The following ROBO2 variants were observed in gnomAD, a reference collection of about 807,000 sequenced individuals.
ROBO2 encodes roundabout guidance receptor 2.
Under a neutral mutation model 160.8 loss-of-function variants are expected in ROBO2, and 53 were observed. That is an observed-to-expected ratio of 0.33 (90% confidence interval 0.26 to 0.41). ROBO2 has a LOEUF of 0.41. ROBO2 is among the 10% of genes least tolerant of loss of function. The pLI is 1.00. For synonymous variants in ROBO2, 664 were observed against 611.7 expected (o/e 1.09, Z -1.26); for missense variants, 1,577 against 1,722.4 (o/e 0.92, Z 1.49).
chr3:76,077,392 G>A (rs770598707), intron 2 of ROBO2, among the ~76,000 whole-genome samples: 9 of 151,942 alleles, frequency 5.9e-5, no homozygotes, highest in Non-Finnish European at 8.8e-5. Context: ...GTGAAACCCC[G>A]TCTCTACTAA....
At chr3:77,291,392 C>T (rs1299718279) in intron 2 of ROBO2, among the ~76,000 whole-genome samples, 1 of 151,482 alleles carries the variant, frequency 6.6e-6, no homozygotes, top group Non-Finnish European at 1.5e-5. Flanking sequence ...TCACCCCAGA[C>T]ATAAAGTAAA....
At chr3:75,953,580 A>G (rs1487305167) in intron 2 of ROBO2, among the ~76,000 whole-genome samples, 1 of 151,858 alleles carries the variant, frequency 6.6e-6, no homozygotes, top group Non-Finnish European at 1.5e-5. Context: ...ATAATGCTCA[A>G]TTTCTCAATT....
chr3:77,281,209 T>C (rs1356451177), intron 2 of ROBO2, among the ~76,000 whole-genome samples: 1 of 152,246 alleles, frequency 6.6e-6, no homozygotes, highest in African/African-American at 2.4e-5. Context: ...TAAACATGTA[T>C]GGACAGTGGA....
At chr3:76,729,639 CTTTT>C (rs11292819) in intron 2 of ROBO2, among the ~76,000 whole-genome samples, 4 of 136,096 alleles carry the variant, frequency 2.9e-5, no homozygotes, top group Non-Finnish European at 3.1e-5. Context: ...CTCTCTCTCT[CTTTT>C]TTTTTTTTTT....
In ROBO2 at chr3:77,516,048, T is replaced by A. The variant is rs566216864; in HGVS notation, c.807-6727T>A. Among the ~76,000 whole-genome samples, 31 of 151,756 alleles carry A rather than the reference T, an allele frequency of 2.0e-4. No individual in the cohort carries two copies. The South Asian group carries it at 5.8e-3, about 28-fold the overall frequency. ...TTAGGCTCCATATGTTCTCTTTTAATATGAATAATATTGGATTAGCTGAAT... is the reference window on the plus strand; with the variant it reads ...TTAGGCTCCATATGTTCTCTTTTAAAATGAATAATATTGGATTAGCTGAAT... On this transcript the variant is annotated intron_variant, in intron 5 of 25. Transcript: ENST00000461745.
At chr3:77,444,130 A>G (rs78059937) in intron 2 of ROBO2, among the ~76,000 whole-genome samples, 4,674 of 152,238 alleles carry the variant, frequency 0.031, 102 homozygotes, top group East Asian at 0.077. Context: ...CTAAGATTCC[A>G]TATGAAGTAA....
chr3:76,607,708 T>C (rs926567989), intron 2 of ROBO2, among the ~76,000 whole-genome samples: 2 of 152,202 alleles, frequency 1.3e-5, no homozygotes, highest in Admixed American at 6.5e-5. Context: ...TTTTTGACAT[T>C]CACTGAACTT....
intron 1 of ROBO2, among the ~76,000 whole-genome samples, chr3:77,047,423 G>A (rs183805435): frequency 2.0e-4 from 31 of 152,194 alleles, no homozygotes; most frequent in Admixed American, 1.8e-3. Flanking sequence ...GGTGGCTCAC[G>A]CCTGTAATCC....
At chr3:76,639,826 A>G (rs1458588597) in intron 2 of ROBO2, among the ~76,000 whole-genome samples, 1 of 152,204 alleles carries the variant, frequency 6.6e-6, no homozygotes, top group Non-Finnish European at 1.5e-5. Flanking sequence ...TTCCCCACAC[A>G]TTTAAAAGCT....
intron 2 of ROBO2, among the ~76,000 whole-genome samples, chr3:76,523,516 A>G (rs909965410): frequency 3.3e-5 from 5 of 152,016 alleles, no homozygotes; most frequent in Non-Finnish European, 5.9e-5. Context: ...AGTGTCAGCC[A>G]CCTGCCATCT....
intron 2 of ROBO2, among the ~76,000 whole-genome samples, chr3:76,537,213 A>G (rs2082553145): frequency 1.3e-5 from 2 of 151,974 alleles, no homozygotes; most frequent in African/African-American, 4.8e-5. Context: ...TCGCATTGGG[A>G]GCAGAGATTA....
intron 2 of ROBO2, among the ~76,000 whole-genome samples, chr3:76,799,985 A>T (rs1434160622): frequency 6.6e-6 from 1 of 152,226 alleles, no homozygotes; most frequent in African/African-American, 2.4e-5. Context: ...ACAAAGCTAT[A>T]GTAACCAAAC....
intron 2 of ROBO2, among the ~76,000 whole-genome samples, chr3:77,468,115 A>G (rs1023629641): frequency 2.6e-5 from 4 of 152,214 alleles, no homozygotes; most frequent in Non-Finnish European, 5.9e-5. Flanking sequence ...TGTGGGCGAT[A>G]GCTCTTTAAG....
At chr3:76,111,773 C>T (rs2070241362) in intron 2 of ROBO2, among the ~76,000 whole-genome samples, 1 of 152,032 alleles carries the variant, frequency 6.6e-6, no homozygotes, top group Admixed American at 6.6e-5. Flanking sequence ...AGCTGGAATA[C>T]AAGCTATAAA....
Position 76,132,403 on chromosome 3 carries a change from G to T in ROBO2, c.109+194801G>T, listed in dbSNP as rs1008548567. Reference sequence around the variant, plus strand: ...CCAAATTCCAGACTGTTGGGGGGGGGGGGGGACGCAGATGTTCAGCATAAA... The same window carrying T: ...CCAAATTCCAGACTGTTGGGGGGGGTGGGGGACGCAGATGTTCAGCATAAA... On this transcript the variant is annotated intron_variant, in intron 2 of 26. Transcript: ENST00000487694. 3.4e-3 allele frequency among the ~76,000 whole-genome samples: 461 copies of T among 136,420 alleles called. 25 individuals are homozygous for T. The highest frequency in any genetic ancestry group is 0.011 in the African/African-American group (427 of 39,028). 89.5% of individuals were successfully genotyped at this position (136,420 alleles called of 152,430 possible).
intron 2 of ROBO2, among the ~76,000 whole-genome samples, chr3:76,113,912 G>T (rs989223450): frequency 6.6e-6 from 1 of 152,014 alleles, no homozygotes; most frequent in East Asian, 1.9e-4. Flanking sequence ...AAAAAGGCTG[G>T]CCCCTCTTCC....
At position 76,692,596 on chromosome 3, in the gene ROBO2, T is replaced by C. The variant is rs148479513; in HGVS notation, c.110-405418T>C. ...GATGATCAATTGACTGACTTTCAGT[T>C]ATAAATTTACCTGTCAGGCAGATCT... On this transcript the variant is annotated intron_variant, in intron 2 of 26. Coordinates refer to the ROBO2 transcript ENST00000487694. Among the ~76,000 whole-genome samples, 91 of 152,268 alleles carry C rather than the reference T, an allele frequency of 6.0e-4. No individual in the cohort carries two copies. In the East Asian group the frequency reaches 0.01, roughly 17 times the overall value.
Position 77,110,702 on chromosome 3 carries a change from G to T in ROBO2, c.388+12362G>T, listed in dbSNP as rs577707687. Among the ~76,000 whole-genome samples the T allele has an allele frequency of 7.2e-3, 1,091 of 150,694 alleles. 6 individuals are homozygous for T. The highest frequency in any genetic ancestry group is 0.017 in the African/African-American group (719 of 41,190). On this transcript the variant is annotated intron_variant, in intron 2 of 25. Coordinates refer to ENST00000461745, the Ensembl canonical transcript of ROBO2. ...GTATATACATATATATATATAGAGA[G>T]AGAGAGAGAGAGGCAAGTTCTCACT...
chr3:77,324,170 G>A (rs781735465), intron 2 of ROBO2, among the ~76,000 whole-genome samples: 2 of 152,102 alleles, frequency 1.3e-5, no homozygotes, highest in Non-Finnish European at 2.9e-5. Context: ...AAAGTCACAG[G>A]GGACTGGCTA....
Sources: allele counts gnomAD v4.1 joint callset (sites outside exome capture counted in the v4.1 genomes callset), GRCh38; gene constraint gnomAD v4.1.1; transcripts MANE v1.5; gene names NCBI Gene and HGNC (gene_info 2026-07-23, HGNC 2026-07-21).